AFG2A: variants seen among roughly 807,000 people sequenced by gnomAD.
AFG2A encodes the protein AAA ATPase AFG2A, also known as ATPase family gene 2 protein homolog A.
At chr4:122,975,357 C>T in the AFG2A span, among the ~76,000 whole-genome samples, 1 of 152,188 alleles carries the variant, frequency 6.6e-6, no homozygotes, top group Non-Finnish European at 1.5e-5. Context: ...GGCCTCACCT[C>T]CCATCAGTGT....
chr4:123,046,311 G>A, the AFG2A span, among the ~76,000 whole-genome samples: 3 of 152,028 alleles, frequency 2.0e-5, no homozygotes, highest in African/African-American at 7.2e-5. Context: ...TTAATTAATC[G>A]CAGATGGAAA....
At chr4:123,164,148 G>C in the AFG2A span, among the ~76,000 whole-genome samples, 1 of 152,090 alleles carries the variant, frequency 6.6e-6, no homozygotes, top group Non-Finnish European at 1.5e-5. Context: ...TATACTTCAA[G>C]TCACCCCAAG....
At chr4:123,217,536 C>G in the AFG2A span, among the ~76,000 whole-genome samples, 2 of 152,184 alleles carry the variant, frequency 1.3e-5, no homozygotes, top group East Asian at 3.9e-4. Context: ...GAGGAGAATT[C>G]TCTTGGTTAA....
chr4:123,182,050 C>CT, the AFG2A span, among the ~76,000 whole-genome samples: 3 of 152,166 alleles, frequency 2.0e-5, no homozygotes, highest in African/African-American at 7.2e-5. Flanking sequence ...CTCTGAAACT[C>CT]TGAGTTTCTA....
chr4:123,086,315 T>A, the AFG2A span, among the ~76,000 whole-genome samples: 1 of 152,152 alleles, frequency 6.6e-6, no homozygotes, highest in Non-Finnish European at 1.5e-5. Flanking sequence ...CATTGGTGGG[T>A]TTTTTTCTCT....
the AFG2A span, among the ~76,000 whole-genome samples, chr4:123,219,388 A>G: frequency 2.6e-5 from 4 of 152,306 alleles, no homozygotes; most frequent in African/African-American, 9.6e-5. Context: ...CTTTCAGTCC[A>G]TCAACTCAAA....
At chr4:123,198,014 C>T in the AFG2A span, among the ~76,000 whole-genome samples, 88,707 of 151,428 alleles carry the variant, frequency 0.59, 27,916 homozygotes, top group Non-Finnish European at 0.69. Context: ...CTTACGCTTG[C>T]AATCCCAGCA....
chr4:123,120,690 A>G, the AFG2A span, among the ~76,000 whole-genome samples: 3 of 152,200 alleles, frequency 2.0e-5, no homozygotes, highest in African/African-American at 7.2e-5. Flanking sequence ...TCATAATGTC[A>G]TAACCATTAT....
At chr4:123,176,578 A>G in the AFG2A span, among the ~76,000 whole-genome samples, 12 of 152,208 alleles carry the variant, frequency 7.9e-5, no homozygotes, top group African/African-American at 2.7e-4. Flanking sequence ...CCCTATACCA[A>G]ATACAAGGGT....
chr4:123,074,447 C>CTTT, the AFG2A span, among the ~76,000 whole-genome samples: 5 of 37,156 alleles, frequency 1.3e-4, no homozygotes, highest in African/African-American at 2.0e-4. Flanking sequence ...TTCTTTTTTT[C>CTTT]TTTTTTTTTT....
chr4:123,256,949 CACACCA>C, the AFG2A span: 1 of 591,970 alleles, frequency 1.7e-6, no homozygotes, highest in Non-Finnish European at 2.1e-6. Flanking sequence ...TAGCATCTGT[CACACCA>C]ATGATGTAGA....
the AFG2A span, among the ~76,000 whole-genome samples, chr4:123,228,226 G>A: frequency 6.6e-6 from 1 of 151,976 alleles, no homozygotes; most frequent in Non-Finnish European, 1.5e-5. Context: ...TACATTTAAG[G>A]TTAATATTGT....
At chr4:123,164,345 G>A in the AFG2A span, among the ~76,000 whole-genome samples, 3 of 151,982 alleles carry the variant, frequency 2.0e-5, no homozygotes, top group South Asian at 6.2e-4. Context: ...AGAGGAAACT[G>A]TATTATTGGA....
the AFG2A span, among the ~76,000 whole-genome samples, chr4:123,091,511 A>G: frequency 6.6e-6 from 1 of 152,206 alleles, no homozygotes; most frequent in Non-Finnish European, 1.5e-5. Context: ...TTTCATCTAT[A>G]CGAAGGTACA....
the AFG2A span, among the ~76,000 whole-genome samples, chr4:122,952,837 T>G: frequency 6.6e-6 from 1 of 152,154 alleles, no homozygotes; most frequent in Non-Finnish European, 1.5e-5. Context: ...AGGCATTGGT[T>G]AAATCAGTAA....
the AFG2A span, among the ~76,000 whole-genome samples, chr4:123,259,391 G>C: frequency 6.6e-6 from 1 of 152,142 alleles, no homozygotes; most frequent in African/African-American, 2.4e-5. Flanking sequence ...TCAAGAGGAA[G>C]TCTGTCACCA....
the AFG2A span, among the ~76,000 whole-genome samples, chr4:123,019,055 C>A: frequency 2.6e-5 from 4 of 151,936 alleles, no homozygotes; most frequent in Admixed American, 2.6e-4. Context: ...ACTTTATAAT[C>A]ATCTCTCAGA....
At chr4:122,973,803 G>C in the AFG2A span, among the ~76,000 whole-genome samples, 15 of 152,110 alleles carry the variant, frequency 9.9e-5, no homozygotes, top group African/African-American at 3.6e-4. Context: ...CAGTCATTGC[G>C]TGTAGCTAGG....
At chr4:123,094,142 T>A in the AFG2A span, among the ~76,000 whole-genome samples, 3 of 152,112 alleles carry the variant, frequency 2.0e-5, no homozygotes, top group Non-Finnish European at 4.4e-5. Context: ...CCATTTTGGG[T>A]TGTAATTGAT....
Sources: gnomAD v4.1 joint callset for allele counts (sites outside exome capture counted in the v4.1 genomes callset) on GRCh38, gnomAD v4.1.1 for gene constraint, MANE v1.5 for transcripts, NCBI Gene and HGNC (gene_info 2026-07-23, HGNC 2026-07-21) for gene names.